KCP: variants seen among roughly 807,000 people sequenced by gnomAD.
KCP encodes kielin cysteine rich BMP regulator, also known as kielin/chordin-like protein.
Under a neutral mutation model 212.7 loss-of-function variants are expected in KCP, and 194 were observed. The ratio of observed to expected loss-of-function variants is 0.91; its 90% CI spans 0.81 to 1.03. The LOEUF (loss-of-function observed/expected upper bound fraction) is 1.03, where lower values mean the gene tolerates loss of function less well. Ranked by LOEUF, KCP falls within the 50% of genes least tolerant of loss-of-function variation. The probability of loss-of-function intolerance (pLI) is 0.00; values close to 1 mark genes in which losing one functional copy is unlikely to be tolerated. For synonymous variants in KCP, 833 were observed against 865.3 expected, an observed-to-expected ratio of 0.96 and a Z score of 0.65; for missense variants, 2,080 against 2,162.5, an observed-to-expected ratio of 0.96 and a Z score of 0.76.
In KCP at chr7:128,879,445, C is replaced by T. The variant is rs533259271; in HGVS notation, c.4146+77G>A. 2.3e-6 allele frequency: 3 copies of T among 1,284,406 alleles called. No homozygotes were observed. The Admixed American group carries it at 6.3e-5, about 27-fold the overall frequency. 79.6% of individuals were successfully genotyped at this position (1,284,406 alleles called of 1,614,324 possible). On this transcript the variant is annotated intron_variant, in intron 37 of 39. Transcript: ENST00000610776. Reference sequence around the variant, plus strand: ...TAGGAGGTAGCTGGCATCCCCACCCCCTCTACAGATACAGAGGCCTAAACA... The same window carrying T: ...TAGGAGGTAGCTGGCATCCCCACCCTCTCTACAGATACAGAGGCCTAAACA...
intron 20 of KCP, 42 bp from the exon 21 acceptor site, chr7:128,890,555 G>A (rs1401339693): frequency 3.3e-6 from 5 of 1,509,190 alleles, no homozygotes; most frequent in African/African-American, 1.4e-5. Flanking sequence ...GGGGACTAGA[G>A]GGCTGTGGGG....
intron 5 of KCP, chr7:128,904,435 T>A: frequency 7.7e-7 from 1 of 1,297,716 alleles, no homozygotes; most frequent in Non-Finnish European, 1.1e-6. Flanking sequence ...TCCCTCTTTC[T>A]CTCTCTCCTG....
chr7:128,899,825 G>A (rs1240319223), intron 8 of KCP, among the ~76,000 whole-genome samples: 1 of 130,472 alleles, frequency 7.7e-6, no homozygotes, highest in African/African-American at 4.4e-5. Context: ...GACTGGAATG[G>A]CATACCTTAA....
chr7:128,885,002 C>T, intron 27 of KCP, 95 bp downstream of exon 27: 2 of 1,520,350 alleles, frequency 1.3e-6, no homozygotes, highest in South Asian at 1.2e-5. Context: ...ACTTCTCCAA[C>T]TGCCTGTCTC....
intron 22 of KCP, among the ~76,000 whole-genome samples, chr7:128,888,477 CAGAT>C (rs1273085888): frequency 2.7e-5 from 4 of 150,804 alleles, no homozygotes; most frequent in African/African-American, 7.3e-5. Context: ...CACACACACA[CAGAT>C]ACACAGATAC....
chr7:128,902,324 C>T (rs1452441976), intron 8 of KCP, among the ~76,000 whole-genome samples: 3 of 152,208 alleles, frequency 2.0e-5, no homozygotes, highest in Non-Finnish European at 2.9e-5. Context: ...TTTACATTCC[C>T]CTATTTCATA....
At chr7:128,884,919 G>C in intron 27 of KCP, 56 bp from the exon 28 acceptor site, 2 of 1,524,570 alleles carry the variant, frequency 1.3e-6, no homozygotes, top group Middle Eastern at 3.4e-4. Flanking sequence ...CTGGCAGCGA[G>C]GCAGGGGTGG....
At position 128,893,502 on chromosome 7, in the gene KCP, G is replaced by A. The variant is rs533804470; in HGVS notation, c.1100-26C>T. 6.1e-5 allele frequency: 91 copies of A among 1,492,516 alleles called. 2 individuals carry two copies. In the South Asian group the frequency reaches 9.4e-4, roughly 15 times the overall value. The allele number at this position is 1,492,516 out of a possible 1,614,324, so 92.5% of individuals were successfully genotyped here. On this transcript the variant is annotated intron_variant, in intron 11 of 39. Transcript: ENST00000610776. The stretch of plus-strand genomic sequence containing the variant: ...CTGGATGGGATGACAGGGGCGTGGG[G>A]GTATAGGGCTGGAGGCAGAGGGGAA...
At position 128,884,823 on chromosome 7, in the gene KCP, G is replaced by A. The variant is rs1192479852; in HGVS notation, c.3081C>T (p.Ser1027=). ...CACAGGGGTCTGCCCCAGGCTGGAA[G>A]CTCTCCCCAGGCTCGTACTTCCGGC... ...HEGRKYEPGE[S]FQPGADPCEV... Residue 1027 remains serine (S), a synonymous_variant, in exon 28 of 40, where the codon AGC becomes AGT. Coordinates refer to ENST00000610776, the MANE Select transcript of KCP (RefSeq NM_001366122.1). 1 of 1,550,972 alleles carries A rather than the reference G, an allele frequency of 6.4e-7. No individual in the cohort carries two copies. The highest frequency in any genetic ancestry group is 8.7e-7 in the Non-Finnish European group (1 of 1,146,994).
chr7:128,887,859 C>T (rs1260044014), intron 22 of KCP, among the ~76,000 whole-genome samples: 1 of 127,054 alleles, frequency 7.9e-6, no homozygotes, highest in Non-Finnish European at 1.7e-5. Flanking sequence ...ACATACCCAC[C>T]TACACACAGC....
At chr7:128,886,999 G>A (rs1285448101) in intron 23 of KCP, 33 bp from the exon 24 acceptor site, 2 of 1,176,728 alleles carry the variant, frequency 1.7e-6, no homozygotes, top group Non-Finnish European at 2.5e-6. Context: ...ACCCTCAACT[G>A]GACTGCACAT....
chr7:128,890,837 AGGGCGCTCCGGGGCGGGGCG>A, intron 20 of KCP, 48 bp downstream of exon 20: 1 of 1,138,210 alleles, frequency 8.8e-7, no homozygotes, highest in Non-Finnish European at 1.1e-6. Flanking sequence ...GGGACTGGGC[AGGGCGCTCCGGGGCGGGGCG>A]GGGCGGCAGG....
At chr7:128,907,485 G>C in intron 2 of KCP, 32 bp from the exon 3 acceptor site, 1 of 1,392,034 alleles carries the variant, frequency 7.2e-7, no homozygotes, top group Non-Finnish European at 9.5e-7. Flanking sequence ...GCAGGCACTG[G>C]CTCAGCTTCC....
At chr7:128,881,514 T>G in intron 31 of KCP, 112 bp downstream of exon 31, 2 of 667,806 alleles carry the variant, frequency 3.0e-6, no homozygotes, top group Non-Finnish European at 4.7e-6. Flanking sequence ...TGCATTCTGT[T>G]CTAGAAACCG....
chr7:128,901,637 A>C (rs77558223), intron 8 of KCP, among the ~76,000 whole-genome samples: 6 of 147,750 alleles, frequency 4.1e-5, no homozygotes, highest in African/African-American at 8.0e-5. Flanking sequence ...AAAAAAAAAA[A>C]CACATAAACT....
At chr7:128,880,898 T>C in intron 32 of KCP, 99 bp downstream of exon 32, 1 of 399,722 alleles carries the variant, frequency 2.5e-6, no homozygotes, top group Non-Finnish European at 4.4e-6. Context: ...GGGATGCCCC[T>C]GACCCTTAAA....
chr7:128,885,507 C>T (rs555506217), intron 26 of KCP, among the ~76,000 whole-genome samples: 1 of 152,310 alleles, frequency 6.6e-6, no homozygotes, highest in East Asian at 1.9e-4. Context: ...CAAGACCAAG[C>T]TCCAGGCAGC....
In KCP at chr7:128,880,014, G is replaced by A. The variant is rs76530107; in HGVS notation, c.3831C>T (p.Ala1277=). 0.026 allele frequency: 40,700 copies of A among 1,550,022 alleles called. 745 individuals carry two copies. The highest frequency in any genetic ancestry group is 0.029 in the Non-Finnish European group (33,525 of 1,146,890). The change falls in exon 35 of 40, where the codon GCC becomes GCT. Residue 1277 remains alanine (A), a synonymous_variant. Transcript: ENST00000610776. Reference sequence around the variant, plus strand: ...AGGTGCGGTAATGGGGGTCTCCGAAGGCCATGCAGGAAGCGGGCCGAGGCA... The same window carrying A: ...AGGTGCGGTAATGGGGGTCTCCGAAAGCCATGCAGGAAGCGGGCCGAGGCA... ...RCLPRPASCM[A]FGDPHYRTFD...
intron 8 of KCP, among the ~76,000 whole-genome samples, chr7:128,899,502 G>A (rs534001595): frequency 4.6e-5 from 7 of 152,304 alleles, no homozygotes; most frequent in African/African-American, 7.2e-5. Flanking sequence ...TCAAACAGAA[G>A]TTAACTGCAT....
Sources: gnomAD v4.1 joint callset for allele counts (sites outside exome capture counted in the v4.1 genomes callset) on GRCh38, gnomAD v4.1.1 for gene constraint, MANE v1.5 for transcripts, NCBI Gene and HGNC (gene_info 2026-07-23, HGNC 2026-07-21) for gene names.